The following ZNF804B variants were observed in gnomAD, a reference collection of about 807,000 sequenced individuals.
The protein encoded by ZNF804B is zinc finger 804B.
ZNF804B carries 80 observed loss-of-function variants against 101.4 expected under a neutral mutation model. The ratio of observed to expected loss-of-function variants is 0.79; its 90% CI spans 0.66 to 0.95. The LOEUF (loss-of-function observed/expected upper bound fraction) is 0.95. ZNF804B is among the 40% of genes least tolerant of loss of function. ZNF804B has a pLI of 0.00. For synonymous variants in ZNF804B, 622 were observed against 558.8 expected, an observed-to-expected ratio of 1.11 and a Z score of -1.59; for missense variants, 1,673 against 1,561.9, an observed-to-expected ratio of 1.07 and a Z score of -1.20.
At chr7:89,331,341 G>A (rs1033677597) in intron 3 of ZNF804B, among the ~76,000 whole-genome samples, 1 of 151,516 alleles carries the variant, frequency 6.6e-6, no homozygotes, top group Admixed American at 6.6e-5. Flanking sequence ...AAGTCTCTAC[G>A]CTCCTTATTT....
At chr7:89,186,508 A>G (rs1419040040) in intron 1 of ZNF804B, among the ~76,000 whole-genome samples, 1 of 152,108 alleles carries the variant, frequency 6.6e-6, no homozygotes, top group African/African-American at 2.4e-5. Context: ...AAATAAAGCA[A>G]TTTCTGTCAT....
At chr7:89,272,046 T>C (rs1039929112) in intron 2 of ZNF804B, among the ~76,000 whole-genome samples, 1 of 152,134 alleles carries the variant, frequency 6.6e-6, no homozygotes, top group Non-Finnish European at 1.5e-5. Context: ...TAGTATGAAA[T>C]TTTTAAATTA....
chr7:88,776,780 A>ACCCCCCCCC (rs10707553), intron 1 of ZNF804B, among the ~76,000 whole-genome samples: 24 of 83,478 alleles, frequency 2.9e-4, no homozygotes, highest in Non-Finnish European at 4.1e-4. Flanking sequence ...TAACCCATAA[A>ACCCCCCCCC]CCCCCCCCCC....
intron 2 of ZNF804B, among the ~76,000 whole-genome samples, chr7:89,292,876 C>A (rs1173220118): frequency 1.3e-5 from 2 of 151,724 alleles, no homozygotes; most frequent in African/African-American, 4.8e-5. Flanking sequence ...CATCAAAAAA[C>A]CTAAAAACTC....
intron 1 of ZNF804B, among the ~76,000 whole-genome samples, chr7:88,923,763 A>G (rs1275810135): frequency 6.6e-6 from 1 of 152,152 alleles, no homozygotes; most frequent in African/African-American, 2.4e-5. Flanking sequence ...GCTAATAAAC[A>G]TAGAAATATG....
chr7:89,035,949 T>G (rs1788920145), intron 1 of ZNF804B, among the ~76,000 whole-genome samples: 1 of 145,204 alleles, frequency 6.9e-6, no homozygotes, highest in Non-Finnish European at 1.5e-5. Flanking sequence ...ATTATATATT[T>G]ATATTATATA....
chr7:89,142,034 C>A (rs959689100), intron 1 of ZNF804B, among the ~76,000 whole-genome samples: 1 of 151,536 alleles, frequency 6.6e-6, no homozygotes, highest in Admixed American at 6.6e-5. Flanking sequence ...TCAATGCTAT[C>A]TTTTTTACAT....
chr7:89,186,385 T>G (rs775968188), intron 1 of ZNF804B, among the ~76,000 whole-genome samples: 28 of 152,102 alleles, frequency 1.8e-4, no homozygotes, highest in Non-Finnish European at 2.8e-4. Context: ...ATATAACACC[T>G]TTTTTATTTT....
intron 1 of ZNF804B, among the ~76,000 whole-genome samples, chr7:89,152,447 T>C (rs767883747): frequency 2.0e-5 from 3 of 151,902 alleles, no homozygotes; most frequent in Non-Finnish European, 2.9e-5. Flanking sequence ...TTAAATTCAA[T>C]TAAAATTAAA....
At chr7:89,165,519 TG>T (rs1286319130) in intron 1 of ZNF804B, among the ~76,000 whole-genome samples, 1 of 152,080 alleles carries the variant, frequency 6.6e-6, no homozygotes, top group Non-Finnish European at 1.5e-5. Flanking sequence ...AATGTATATA[TG>T]AATAATTTTT....
chr7:89,273,994 A>G lies in ZNF804B; in HGVS notation c.250-53350A>G, dbSNP rs1789937496. 2.0e-5 allele frequency among the ~76,000 whole-genome samples: 3 copies of G among 152,138 alleles called. No individual in the cohort carries two copies. In the South Asian group the frequency reaches 6.2e-4, roughly 32 times the overall value. On this transcript the variant is annotated intron_variant, in intron 2 of 3. Transcript: ENST00000333190. ...TCTGTTTCAGATAACAGTCTTTCAA[A>G]TTCGCGTCTTGGCCACAAAGAGTAG...
chr7:89,113,404 G>A (rs17306176), intron 1 of ZNF804B, among the ~76,000 whole-genome samples: 14,252 of 152,072 alleles, frequency 0.094, 737 homozygotes, highest in Middle Eastern at 0.14. Context: ...GAGTGAAAGC[G>A]CAAGGGGAAA....
Position 89,333,371 on chromosome 7 carries a change from G to A in ZNF804B, c.389G>A (p.Gly130Glu), listed in dbSNP as rs1173685530. 1 of 1,588,448 alleles carries A rather than the reference G, an allele frequency of 6.3e-7. No individual in the cohort carries two copies. The highest frequency in any genetic ancestry group is 1.1e-5 in the South Asian group (1 of 87,544). Residue 130 changes from glycine (G) to glutamate (E), a missense_variant, in exon 4 of 4, where the codon GGA becomes GAA. By Grantham distance (98) the Gly-to-Glu change is moderately conservative. Transcript: ENST00000333190. Reference sequence around the variant, plus strand: ...ATTTATTGTATTTACAGTGTTTCTGGAAATGGACCAGCATACAAAGCCCCC... The same window carrying A: ...ATTTATTGTATTTACAGTGTTTCTGAAAATGGACCAGCATACAAAGCCCCC... ...ELRQQSECVS[G>E]NGPAYKAPRV...
Position 88,894,674 on chromosome 7 carries a change from A to T in ZNF804B, c.108+134590A>T, listed in dbSNP as rs543342439. On this transcript the variant is annotated intron_variant, in intron 1 of 3. Coordinates refer to ENST00000333190, the MANE Select transcript of ZNF804B (RefSeq NM_181646.5). Reference sequence around the variant, plus strand: ...CCATATGATAAAATACTATTCAATGATAAAAAGAAATGAGCTGTGAAGCCT... The same window carrying T: ...CCATATGATAAAATACTATTCAATGTTAAAAAGAAATGAGCTGTGAAGCCT... 2.0e-5 allele frequency among the ~76,000 whole-genome samples: 3 copies of T among 152,304 alleles called. No homozygotes were observed. The East Asian group carries it at 5.8e-4, about 29-fold the overall frequency.
At chr7:88,891,746 TC>T (rs1792218536) in intron 1 of ZNF804B, among the ~76,000 whole-genome samples, 2 of 152,190 alleles carry the variant, frequency 1.3e-5, no homozygotes, top group South Asian at 2.1e-4. Context: ...TTTTGATGTT[TC>T]TTTTTTTTAT....
At chr7:89,256,214 C>G (rs903734648) in intron 2 of ZNF804B, among the ~76,000 whole-genome samples, 2 of 152,164 alleles carry the variant, frequency 1.3e-5, no homozygotes, top group East Asian at 3.9e-4. Context: ...CTTATCAAAA[C>G]TGTTTATAAT....
chr7:89,096,557 C>T (rs1395669650), intron 1 of ZNF804B, among the ~76,000 whole-genome samples: 1 of 152,174 alleles, frequency 6.6e-6, no homozygotes, highest in Admixed American at 6.5e-5. Context: ...CATATATTTG[C>T]AGTCATTGCT....
At chr7:88,766,058 G>A (rs1306079515) in intron 1 of ZNF804B, among the ~76,000 whole-genome samples, 1 of 152,138 alleles carries the variant, frequency 6.6e-6, no homozygotes, top group East Asian at 1.9e-4. Context: ...CAGCACTTTG[G>A]GAGGCTGAGG....
At chr7:88,914,159 C>T (rs1792596143) in intron 1 of ZNF804B, among the ~76,000 whole-genome samples, 1 of 152,104 alleles carries the variant, frequency 6.6e-6, no homozygotes, top group Non-Finnish European at 1.5e-5. Flanking sequence ...CACCTTCAAA[C>T]TCAGCACGTC....
Sources: gnomAD v4.1 joint callset for allele counts (sites outside exome capture counted in the v4.1 genomes callset) on GRCh38, gnomAD v4.1.1 for gene constraint, MANE v1.5 for transcripts, NCBI Gene and HGNC (gene_info 2026-07-23, HGNC 2026-07-21) for gene names.